MLPH: variants seen among roughly 807,000 people sequenced by gnomAD.
MLPH encodes melanophilin.
A neutral mutation model predicts 72.1 loss-of-function variants in MLPH; 51 were observed. The observed-to-expected ratio is 0.71, with a 90% confidence interval of 0.56 to 0.89. MLPH has a LOEUF of 0.89. MLPH is among the 40% of genes least tolerant of loss of function. The pLI is 0.00. For missense variants in MLPH, 743 were observed against 759.9 expected, an observed-to-expected ratio of 0.98 and a Z score of 0.26; for synonymous variants, 301 against 310.1, an observed-to-expected ratio of 0.97 and a Z score of 0.31.
intron 6 of MLPH, among the ~76,000 whole-genome samples, chr2:237,520,314 C>T (rs76322835): frequency 3.1e-3 from 474 of 152,162 alleles, no homozygotes; most frequent in Middle Eastern, 0.01. Context: ...GCCCAGGGAT[C>T]GGTGCTTGGG....
In MLPH at chr2:237,510,925, GAGATTTA is replaced by G; in HGVS notation, c.333-63_333-57del. On this transcript the variant is annotated intron_variant, in intron 3 of 15. Coordinates refer to ENST00000264605, the MANE Select transcript of MLPH (RefSeq NM_024101.7). This position sits in a 1 kb window ranked among gnomAD's most constrained non-coding sequence, Gnocchi z 4.4. The stretch of plus-strand genomic sequence containing the variant: ...CGTGTGTGTGTGTGTGTGTGTGTGT[GAGATTTA>G]TGCAGGCCTGTGTACAGCACTCAGG... The G allele has an allele frequency of 2.6e-6, 4 of 1,518,802 alleles. No individual in the cohort carries two copies. The highest frequency in any genetic ancestry group is 2.7e-6 in the Non-Finnish European group (3 of 1,094,858). 94.1% of individuals were successfully genotyped at this position (1,518,802 alleles called of 1,614,324 possible). A position where few individuals can be genotyped will look rare whatever the true frequency, so the allele number is the denominator to read the frequency against.
At chr2:237,552,479 G>A (rs2081059246) in intron 15 of MLPH, 42 bp downstream of exon 15, 1 of 1,518,114 alleles carries the variant, frequency 6.6e-7, no homozygotes, top group Non-Finnish European at 9.1e-7. Flanking sequence ...TTAAAGTTCA[G>A]TGACCCGTCA....
chr2:237,500,889 A>T (rs1207875360), intron 2 of MLPH, among the ~76,000 whole-genome samples: 1 of 151,830 alleles, frequency 6.6e-6, no homozygotes, highest in African/African-American at 2.4e-5. Flanking sequence ...ACACCACAGG[A>T]ATCCACCCCA....
At chr2:237,492,404 G>T (rs932981882) in intron 1 of MLPH, among the ~76,000 whole-genome samples, 4 of 151,092 alleles carry the variant, frequency 2.6e-5, no homozygotes, top group Admixed American at 2.6e-4. Context: ...AAGGCAGAAG[G>T]ATTACTTGAG....
intron 2 of MLPH, among the ~76,000 whole-genome samples, chr2:237,503,955 G>A (rs1200971404): frequency 6.6e-6 from 1 of 152,168 alleles, no homozygotes; most frequent in Non-Finnish European, 1.5e-5. Context: ...CGGGTTCCCT[G>A]GGCGGGCCTA....
At chr2:237,538,125 G>T (rs564410621) in intron 9 of MLPH, among the ~76,000 whole-genome samples, 3 of 152,368 alleles carry the variant, frequency 2.0e-5, no homozygotes, top group African/African-American at 7.2e-5. Flanking sequence ...ACGATGGGGA[G>T]GTGGCCGTGA....
intron 5 of MLPH, among the ~76,000 whole-genome samples, chr2:237,519,037 G>A (rs1193764424): frequency 6.6e-6 from 1 of 152,132 alleles, no homozygotes; most frequent in Non-Finnish European, 1.5e-5. Flanking sequence ...GGACCCCTCA[G>A]GCTCTCCTCT....
chr2:237,518,224 T>C, intron 4 of MLPH: 2 of 451,432 alleles, frequency 4.4e-6, no homozygotes, highest in Non-Finnish European at 8.4e-6. Context: ...GGAGGATAGA[T>C]AGGTGGGTGT....
intron 12 of MLPH, among the ~76,000 whole-genome samples, chr2:237,545,216 T>TGGGGCACAGTGGTGAGTGA: frequency 2.4e-5 from 1 of 42,432 alleles, no homozygotes; most frequent in Non-Finnish European, 4.0e-5. Flanking sequence ...CAGTGGTGAG[T>TGGGGCACAGTGGTGAGTGA]GGGGACAGTG....
In MLPH at chr2:237,541,426, G is replaced by C. The variant is rs2080682645; in HGVS notation, c.1446+469G>C. Among the ~76,000 whole-genome samples the C allele has an allele frequency of 6.6e-6, 1 of 152,176 alleles. No homozygotes were observed. The highest frequency in any genetic ancestry group is 6.5e-5 in the Admixed American group (1 of 15,284). On this transcript the variant is annotated intron_variant, in intron 11 of 15. Coordinates refer to ENST00000264605, the MANE Select transcript of MLPH (RefSeq NM_024101.7). The surrounding 1 kb of genome is among the most constrained non-coding windows in gnomAD (Gnocchi z 5.1). ...AGAGCCAAAGCATTCAGGCCTCCCAGGGACAGCTGAGGTGACTTAGGCACT... is the reference window on the plus strand; with the variant it reads ...AGAGCCAAAGCATTCAGGCCTCCCACGGACAGCTGAGGTGACTTAGGCACT...
chr2:237,548,664 C>T (rs547949483), intron 13 of MLPH, among the ~76,000 whole-genome samples: 9 of 152,226 alleles, frequency 5.9e-5, no homozygotes, highest in Admixed American at 2.0e-4. Context: ...ATCAGGAGAT[C>T]GAGACCATTC....
intron 2 of MLPH, among the ~76,000 whole-genome samples, chr2:237,502,125 T>C (rs1443795560): frequency 6.6e-6 from 1 of 152,228 alleles, no homozygotes; most frequent in African/African-American, 2.4e-5. Flanking sequence ...AATCTGGTGG[T>C]GAGTTCCATA....
intron 9 of MLPH, among the ~76,000 whole-genome samples, chr2:237,538,921 CAA>C (rs1409527949): frequency 1.3e-5 from 2 of 152,194 alleles, no homozygotes; most frequent in African/African-American, 4.8e-5. Flanking sequence ...GGGATTTGCC[CAA>C]AGAGCTGGCA....
rs1245771639 is a variant in MLPH, at chr2:237,554,174, A to G, written c.*582A>G. ...ACGTGCACCCGCTCTGCAAGTTCCCATGTGATCTGTAGACCAGGGGAAATT... is the reference window on the plus strand; with the variant it reads ...ACGTGCACCCGCTCTGCAAGTTCCCGTGTGATCTGTAGACCAGGGGAAATT... On this transcript the variant is annotated 3_prime_UTR_variant, in exon 16 of 16. Coordinates refer to ENST00000264605, the MANE Select transcript of MLPH (RefSeq NM_024101.7). 3 of 228,700 alleles carry G rather than the reference A, an allele frequency of 1.3e-5. No individual in the cohort carries two copies. The highest frequency in any genetic ancestry group is 2.0e-4 in the East Asian group (2 of 10,204). The allele number at this position is 228,700 out of a possible 1,614,324, so 14.2% of individuals were successfully genotyped here.
At chr2:237,503,858 A>G (rs2079705493) in intron 2 of MLPH, among the ~76,000 whole-genome samples, 1 of 152,184 alleles carries the variant, frequency 6.6e-6, no homozygotes, top group African/African-American at 2.4e-5. Flanking sequence ...CCCAACCCCA[A>G]GAACCTCTGA....
At chr2:237,514,558 T>C (rs142642603) in intron 4 of MLPH, among the ~76,000 whole-genome samples, 4,072 of 152,180 alleles carry the variant, frequency 0.027, 79 homozygotes, top group South Asian at 0.082. Context: ...TGGGGAAGAA[T>C]GGGCCTGAGA....
At chr2:237,521,630 G>A (rs13392410) in intron 6 of MLPH, among the ~76,000 whole-genome samples, 25,410 of 152,176 alleles carry the variant, frequency 0.17, 2,350 homozygotes, top group African/African-American at 0.23. Context: ...ATTGCTGTGA[G>A]TATGGTAGTA....
At chr2:237,499,812 A>T (rs188989189) in intron 2 of MLPH, among the ~76,000 whole-genome samples, 3 of 152,032 alleles carry the variant, frequency 2.0e-5, no homozygotes, top group Admixed American at 1.3e-4. Context: ...TGGCGTGATC[A>T]TGGCTCACTG....
rs77873331 is a variant in MLPH, at chr2:237,504,813, T to C, written c.111-5761T>C. Among the ~76,000 whole-genome samples the C allele has an allele frequency of 3.5e-3, 528 of 152,318 alleles. 3 individuals carry two copies. The highest frequency in any genetic ancestry group is 0.012 in the African/African-American group (500 of 41,560). On this transcript the variant is annotated intron_variant, in intron 2 of 15. Coordinates refer to ENST00000264605, the MANE Select transcript of MLPH (RefSeq NM_024101.7). ...TCTGGTTAGGAGAGTTTTCCTGTGT[T>C]GTTAGGGTGACGGCTGCCTCAGTGG...
Sources: allele counts gnomAD v4.1 joint callset (sites outside exome capture counted in the v4.1 genomes callset), GRCh38; gene constraint gnomAD v4.1.1; non-coding constraint Gnocchi (gnomAD v3.1); transcripts MANE v1.5; gene names NCBI Gene and HGNC (gene_info 2026-07-23, HGNC 2026-07-21).